Variants in ZNF541 observed in about 807,000 individuals in gnomAD.
ZNF541 encodes the protein zinc finger protein 541.
In ZNF541, 23 loss-of-function variants were observed where a neutral mutation model predicts 123.5. The ratio of observed to expected loss-of-function variants is 0.19; its 90% CI spans 0.13 to 0.26. ZNF541 has a LOEUF of 0.26. Ranked by LOEUF, ZNF541 falls within the 10% of genes least tolerant of loss-of-function variation. The pLI is 1.00. For synonymous variants in ZNF541, 751 were observed against 754.5 expected (o/e 1.00, Z 0.08); for missense variants, 1,612 against 1,789.9 (o/e 0.90, Z 1.79).
intron 8 of ZNF541, 198 bp from the exon 9 acceptor site, chr19:47,538,637 C>G: frequency 1.8e-6 from 1 of 550,116 alleles, no homozygotes; most frequent in Non-Finnish European, 3.2e-6. Flanking sequence ...GCAGCCTTCT[C>G]CTGCACCCAC....
At chr19:47,558,453 A>G (rs939270540) in intron 2 of ZNF541, among the ~76,000 whole-genome samples, 24 of 151,884 alleles carry the variant, frequency 1.6e-4, no homozygotes, top group Admixed American at 9.2e-4. Flanking sequence ...ATAAAATAAT[A>G]CTATAAACAA....
Position 47,520,931 on chromosome 19 carries a change from T to C in ZNF541, c.*293A>G, listed in dbSNP as rs780637959. On this transcript the variant is annotated 3_prime_UTR_variant, in exon 17 of 17. Transcript: ENST00000391901. Reference sequence around the variant, plus strand: ...GATTTAAGAGCTACCCAGAGCTAAATTTTCCCCTCCCCAAGCCTCCCTGCT... The same window carrying C: ...GATTTAAGAGCTACCCAGAGCTAAACTTTCCCCTCCCCAAGCCTCCCTGCT... 2.8e-6 allele frequency: 1 copy of C among 361,224 alleles called. No individual in the cohort carries two copies. Among genetic ancestry groups the C allele is most frequent in the Non-Finnish European group, 5.1e-6 (1 of 195,860 alleles). The allele number at this position is 361,224 out of a possible 1,614,324, so 22.4% of individuals were successfully genotyped here.
At chr19:47,537,365 A>G (rs1313904654) in intron 9 of ZNF541, among the ~76,000 whole-genome samples, 1 of 152,048 alleles carries the variant, frequency 6.6e-6, no homozygotes, top group East Asian at 1.9e-4. Flanking sequence ...GGAGCTCGAG[A>G]CCAGCCTGGC....
rs1330313776 is a variant in ZNF541, at chr19:47,545,221, G to A, written c.1308C>T (p.Pro436=). ...KGNNVFVVHK[P]SAVPSREGSE... is the part of the protein sequence containing the mutation. ...AGCCCTCCCGCGAGGGCACGGCCGA[G>A]GGCTTGTGGACAACAAACACGTTGT... Residue 436 remains proline, a synonymous_variant, in exon 5 of 17, where the codon CCC becomes CCT. Transcript: ENST00000391901. This position sits in a 1 kb window ranked among gnomAD's most constrained non-coding sequence, Gnocchi z 7.5. 6.5e-7 allele frequency: 1 copy of A among 1,541,752 alleles called. No homozygotes were observed. The highest frequency in any genetic ancestry group is 2.0e-5 in the Admixed American group (1 of 50,328).
chr19:47,532,602 T>C (rs1244619874), intron 10 of ZNF541, among the ~76,000 whole-genome samples: 1 of 152,000 alleles, frequency 6.6e-6, no homozygotes, highest in African/African-American at 2.4e-5. Flanking sequence ...CATGCTTGAG[T>C]CCCACTCTGT....
chr19:47,535,967 C>A (rs1969800457), intron 9 of ZNF541, among the ~76,000 whole-genome samples: 1 of 152,180 alleles, frequency 6.6e-6, no homozygotes, highest in African/African-American at 2.4e-5. Flanking sequence ...TATTTATTGA[C>A]AGCAAGCCAG....
chr19:47,529,820 C>G (rs936624513), intron 12 of ZNF541, among the ~76,000 whole-genome samples, 168 bp from the exon 13 acceptor site: 1 of 152,174 alleles, frequency 6.6e-6, no homozygotes, highest in Non-Finnish European at 1.5e-5. Context: ...ACTGTCTGTG[C>G]GTGCATCAAC....
rs1005280092 is a variant in ZNF541 at position 47,521,552 on chromosome 19, C to T, written c.3814G>A (p.Gly1272Ser). The T allele has an allele frequency of 3.2e-6, 5 of 1,551,578 alleles. No homozygotes were observed. The highest frequency in any genetic ancestry group is 3.9e-5 in the Admixed American group (2 of 50,982). Residue 1272 changes from glycine (G) to serine (S), a missense_variant, in exon 16 of 17, where the codon GGC (glycine) becomes AGC (serine). By Grantham distance (56) the Gly-to-Ser change is moderately conservative. This residue lies in a region of ZNF541 where 285 missense variants were observed against 407.3 expected (regional missense o/e 0.70). Transcript: ENST00000391901. The surrounding 1 kb of genome is among the most constrained non-coding windows in gnomAD (Gnocchi z 4.2). ...AACAGCTCGGGGGTCCGCTTGGAGC[C>T]TGCATTTGGGCTGGAGCTGAGGATG... is the stretch of plus-strand genomic sequence containing the variant. ...ESILSSSPNAGSKRTPELLGS... is the reference protein window; with the variant it reads ...ESILSSSPNASSKRTPELLGS...
At chr19:47,528,603 C>T (rs1969419187) in intron 14 of ZNF541, among the ~76,000 whole-genome samples, 2 of 152,172 alleles carry the variant, frequency 1.3e-5, no homozygotes, top group African/African-American at 4.8e-5. Context: ...CAGGCGTAAG[C>T]CACCATGGCC....
intron 9 of ZNF541, among the ~76,000 whole-genome samples, chr19:47,535,630 C>T (rs540205567): frequency 6.6e-6 from 1 of 152,300 alleles, no homozygotes; most frequent in South Asian, 2.1e-4. Context: ...CATAAATCCA[C>T]ACAAAAACCT....
At chr19:47,535,938 G>A (rs1203996036) in intron 9 of ZNF541, among the ~76,000 whole-genome samples, 1 of 152,170 alleles carries the variant, frequency 6.6e-6, no homozygotes, top group Non-Finnish European at 1.5e-5. Flanking sequence ...TAAGAGCCCT[G>A]AACAGAGATT....
intron 5 of ZNF541, among the ~76,000 whole-genome samples, chr19:47,543,646 T>TC (rs1252824309): frequency 6.7e-6 from 1 of 150,372 alleles, no homozygotes; most frequent in Non-Finnish European, 1.5e-5. Context: ...TGTTGATCTT[T>TC]TTTTTTTTTT....
At chr19:47,553,750 G>C (rs1403991897) in intron 3 of ZNF541, among the ~76,000 whole-genome samples, 1 of 151,980 alleles carries the variant, frequency 6.6e-6, no homozygotes, top group Non-Finnish European at 1.5e-5. Flanking sequence ...ATGTTGGCTG[G>C]GCTGGAGTGG....
chr19:47,536,027 C>T (rs1213187474), intron 9 of ZNF541, among the ~76,000 whole-genome samples: 2 of 152,172 alleles, frequency 1.3e-5, no homozygotes, highest in Non-Finnish European at 2.9e-5. Context: ...GTATTCCTTA[C>T]AGGAAACAAA....
At chr19:47,560,788 T>C (rs1971030407) in intron 2 of ZNF541, among the ~76,000 whole-genome samples, 1 of 152,128 alleles carries the variant, frequency 6.6e-6, no homozygotes, top group African/African-American at 2.4e-5. Flanking sequence ...GCTTTGTTCA[T>C]AACTGCCCAA....
At chr19:47,553,315 T>C (rs1970682834) in intron 3 of ZNF541, among the ~76,000 whole-genome samples, 1 of 151,850 alleles carries the variant, frequency 6.6e-6, no homozygotes, top group Admixed American at 6.6e-5. Context: ...CTCAGCTCAC[T>C]GTAACCTCCA....
intron 11 of ZNF541, among the ~76,000 whole-genome samples, 190 bp from the exon 12 acceptor site, chr19:47,531,935 T>G (rs1969591817): frequency 6.6e-6 from 1 of 152,108 alleles, no homozygotes; most frequent in Non-Finnish European, 1.5e-5. Flanking sequence ...CCAGCCACCA[T>G]GTGACAAAAG....
At position 47,523,981 on chromosome 19, in the gene ZNF541, A is replaced by G. The variant is rs1379489702; in HGVS notation, c.3571-1987T>C. Among the ~76,000 whole-genome samples, 3 of 152,206 alleles carry G rather than the reference A, an allele frequency of 2.0e-5. No individual in the cohort carries two copies. In the South Asian group the frequency reaches 6.2e-4, roughly 31 times the overall value. ...GAGCCATCCAAAAGGATGAGAGGGG[A>G]AAGTGTGTGCTGCTCCTACAGGGCC... On this transcript the variant is annotated intron_variant, in intron 14 of 16. Transcript: ENST00000391901.
intron 3 of ZNF541, among the ~76,000 whole-genome samples, chr19:47,551,951 G>A (rs554550486): frequency 6.6e-6 from 1 of 152,306 alleles, no homozygotes; most frequent in Admixed American, 6.5e-5. Flanking sequence ...TCTGCCTCCT[G>A]GGTTCAAGTG....
Sources: gnomAD v4.1 joint callset for allele counts (sites outside exome capture counted in the v4.1 genomes callset) on GRCh38, gnomAD v4.1.1 for gene constraint, gnomAD v4.1.1 regional missense constraint, Gnocchi (gnomAD v3.1) non-coding constraint, MANE v1.5 for transcripts, NCBI Gene and HGNC (gene_info 2026-07-23, HGNC 2026-07-21) for gene names.